Variants in PCDHA13 observed in about 807,000 individuals in gnomAD.
PCDHA13 encodes the protein protocadherin alpha 13, also known as protocadherin alpha-13.
Under a neutral mutation model 64.8 loss-of-function variants are expected in PCDHA13, and 54 were observed. That is an observed-to-expected ratio of 0.83 (90% CI 0.67 to 1.04). The LOEUF is 1.04. Ranked by LOEUF, PCDHA13 falls within the 50% of genes least tolerant of loss-of-function variation. The pLI is 0.00. For missense variants in PCDHA13, 1,248 were observed against 1,254.3 expected (o/e 0.99, Z 0.08); for synonymous variants, 587 against 564.4 (o/e 1.04, Z -0.57).
At chr5:140,969,592 A>G (rs547411191) in intron 1 of PCDHA13, 72 of 829,536 alleles carry the variant, frequency 8.7e-5, no homozygotes, top group Middle Eastern at 3.7e-4. Context: ...TAGTCTTAAT[A>G]TTTAATGCTA....
chr5:140,979,303 C>T (rs1048294748), intron 2 of PCDHA13, among the ~76,000 whole-genome samples: 5 of 152,148 alleles, frequency 3.3e-5, no homozygotes, highest in East Asian at 3.8e-4. Context: ...CTCCTTCATC[C>T]CTCTCTACCT....
intron 1 of PCDHA13, among the ~76,000 whole-genome samples, chr5:140,904,216 ATTG>A (rs2070958692): frequency 6.6e-6 from 1 of 151,842 alleles, no homozygotes; most frequent in East Asian, 1.9e-4. Flanking sequence ...CCCAAAGTCC[ATTG>A]TATTATACTT....
chr5:140,989,630 G>C (rs1483532761), intron 3 of PCDHA13, among the ~76,000 whole-genome samples: 4 of 152,228 alleles, frequency 2.6e-5, no homozygotes, highest in Admixed American at 2.6e-4. Context: ...CCTAGTGACA[G>C]CAAGGGTCTT....
intron 1 of PCDHA13, among the ~76,000 whole-genome samples, chr5:140,915,929 C>A (rs1554197194): frequency 1.3e-5 from 2 of 152,144 alleles, no homozygotes; most frequent in African/African-American, 4.8e-5. Context: ...ACTTGGGAGT[C>A]AGGGATTGGA....
rs563512273 is a variant in PCDHA13 at position 140,921,751 on chromosome 5, A to G, written c.2394+37089A>G. Among the ~76,000 whole-genome samples, 11 of 152,290 alleles carry G rather than the reference A, an allele frequency of 7.2e-5. No homozygotes were observed. The East Asian group carries it at 7.7e-4, about 11-fold the overall frequency. On this transcript the variant is annotated intron_variant, in intron 1 of 3. Coordinates refer to ENST00000289272, the MANE Select transcript of PCDHA13 (RefSeq NM_018904.3). ...ATAAAAATTATAAGCATAACAGGAC[A>G]CTTCTTGGCTACTATTCAATACTGA...
intron 3 of PCDHA13, among the ~76,000 whole-genome samples, chr5:140,993,108 G>A (rs1554253416): frequency 6.6e-6 from 1 of 152,202 alleles, no homozygotes; most frequent in African/African-American, 2.4e-5. Flanking sequence ...TCAGCGGTCA[G>A]TGTCACATCA....
chr5:140,940,643 T>A (rs2092660320), intron 1 of PCDHA13, among the ~76,000 whole-genome samples: 1 of 152,226 alleles, frequency 6.6e-6, no homozygotes, highest in Non-Finnish European at 1.5e-5. Flanking sequence ...TGTCATTTAT[T>A]TATTTAAATA....
Position 140,883,560 on chromosome 5 carries a change from G to C in PCDHA13, c.1292G>C (p.Gly431Ala). Residue 431 changes from glycine (G) to alanine (A), a missense_variant, in exon 1 of 4, where the codon GGC becomes GCC. Physicochemically the swap from Gly to Ala is moderately conservative, Grantham distance 60. Transcript: ENST00000289272. ...CTGGTGGTGACCGCGCGGGACGGGG[G>C]CTCGCCTTCGCTGTGGGCCACGGCC... ...YELVVTARDG[G>A]SPSLWATASV... The C allele has an allele frequency of 6.2e-7, 1 of 1,614,184 alleles. No individual in the cohort carries two copies. The highest frequency in any genetic ancestry group is 1.1e-5 in the South Asian group (1 of 91,072).
chr5:140,944,316 T>C lies in PCDHA13; in HGVS notation c.2395-34633T>C, dbSNP rs140163712. On this transcript the variant is annotated intron_variant, in intron 1 of 3. Coordinates refer to ENST00000289272, the MANE Select transcript of PCDHA13 (RefSeq NM_018904.3). ...GATCCTCCTACCTCAGCCTCCTGAG[T>C]AGCTGGGATTACAAGCACGTGCCAC... 4.3e-3 allele frequency among the ~76,000 whole-genome samples: 654 copies of C among 152,070 alleles called. 5 individuals carry two copies. The highest frequency in any genetic ancestry group is 5.5e-3 in the Non-Finnish European group (376 of 67,970).
intron 1 of PCDHA13, among the ~76,000 whole-genome samples, chr5:140,933,797 A>G (rs1419925900): frequency 6.6e-6 from 1 of 152,062 alleles, no homozygotes; most frequent in African/African-American, 2.4e-5. Context: ...GAAAATTTTA[A>G]TTGAGATCAA....
At position 140,884,310 on chromosome 5, in the gene PCDHA13, GGGCGTC is replaced by G. The variant is rs1301213144; in HGVS notation, c.2046_2051del (p.Ser683_Ala684del). 7 of 1,613,674 alleles carry G rather than the reference GGGCGTC, an allele frequency of 4.3e-6. No homozygotes were observed. The highest frequency in any genetic ancestry group is 5.9e-6 in the Non-Finnish European group (7 of 1,179,864). ...GGCCAAGCGCCACAGGCTTCGTCGA[GGGCGTC>G]GGCAGGCGCTGTGGGTCCAGAAGCG... On this transcript the variant is annotated inframe_deletion, in exon 1 of 4. Coordinates refer to ENST00000289272, the MANE Select transcript of PCDHA13 (RefSeq NM_018904.3).
chr5:140,935,828 A>G (rs1365293166), intron 1 of PCDHA13, among the ~76,000 whole-genome samples: 1 of 152,004 alleles, frequency 6.6e-6, no homozygotes, highest in Non-Finnish European at 1.5e-5. Context: ...GTATTTACAC[A>G]TATTCCATAC....
intron 3 of PCDHA13, among the ~76,000 whole-genome samples, chr5:141,007,395 C>CAAA (rs35800918): frequency 7.4e-5 from 7 of 94,852 alleles, no homozygotes; most frequent in Non-Finnish European, 1.2e-4. Flanking sequence ...TACTAAAATA[C>CAAA]AAAAAAAAAA....
chr5:140,978,701 G>A (rs1240672824), intron 1 of PCDHA13, among the ~76,000 whole-genome samples: 1 of 152,236 alleles, frequency 6.6e-6, no homozygotes, highest in African/African-American at 2.4e-5. Context: ...AAAGCCAAAG[G>A]TGGCCTTTAC....
At chr5:140,925,932 A>G (rs1202634955) in intron 1 of PCDHA13, among the ~76,000 whole-genome samples, 1 of 150,196 alleles carries the variant, frequency 6.7e-6, no homozygotes, top group African/African-American at 2.5e-5. Flanking sequence ...TCCCAAGTAG[A>G]GCCTCTTGGA....
Position 141,009,783 on chromosome 5 carries a change from G to C in PCDHA13, c.2699G>C (p.Arg900Pro). The part of the protein sequence containing the change: ...IPGSPAIISI[R>P]QEPTNSQIDK... The stretch of plus-strand genomic sequence containing the variant: ...GGATCTCCTGCAATCATCTCCATCC[G>C]GCAGGAGCCTACTAACAGCCAAATT... Residue 900 changes from arginine (R) to proline (P), a missense_variant, in exon 4 of 4, where the codon CGG (arginine) becomes CCG (proline). Arg to Pro is a moderately radical substitution (Grantham distance 103). Coordinates refer to ENST00000289272, the MANE Select transcript of PCDHA13 (RefSeq NM_018904.3). 2 of 1,614,000 alleles carry C rather than the reference G, an allele frequency of 1.2e-6. No homozygotes were observed. The highest frequency in any genetic ancestry group is 1.7e-6 in the Non-Finnish European group (2 of 1,180,008).
In PCDHA13 at chr5:140,883,818, T is replaced by A. The variant is rs1349664661; in HGVS notation, c.1550T>A (p.Val517Glu). 6.2e-7 allele frequency: 1 copy of A among 1,612,072 alleles called. No individual in the cohort carries two copies. Among genetic ancestry groups the A allele is most frequent in the African/African-American group, 1.3e-5 (1 of 74,798 alleles). The change falls in exon 1 of 4, where the codon GTG (valine) becomes GAG (glutamate). Residue 517 changes from valine to glutamate, a missense_variant. Coordinates refer to ENST00000289272, the MANE Select transcript of PCDHA13 (RefSeq NM_018904.3). The stretch of plus-strand genomic sequence containing the variant: ...TCGGTGCACGCGGAGAGCGGCAAGG[T>A]GTACGCGCTGCAGCCGTTGGACCAC... ...YVSVHAESGK[V>E]YALQPLDHEE...
chr5:140,907,864 G>T (rs1033952784), intron 1 of PCDHA13, among the ~76,000 whole-genome samples: 1 of 152,202 alleles, frequency 6.6e-6, no homozygotes, highest in Non-Finnish European at 1.5e-5. Context: ...GAGGCCAGCC[G>T]TTGGTGAGCA....
Position 141,001,288 on chromosome 5 carries a change from C to T in PCDHA13, c.2543-8339C>T, listed in dbSNP as rs147786395. 2.9e-3 allele frequency among the ~76,000 whole-genome samples: 438 copies of T among 152,218 alleles called. 7 individuals are homozygous for T. The East Asian group carries it at 0.044, about 15-fold the overall frequency. ...TATGAACTTTTTTTACGGATGAAAACTGAGGCCCAGAGATATGAAATAATT... is the reference window on the plus strand; with the variant it reads ...TATGAACTTTTTTTACGGATGAAAATTGAGGCCCAGAGATATGAAATAATT... On this transcript the variant is annotated intron_variant, in intron 3 of 3. Transcript: ENST00000289272.
Sources: gnomAD v4.1 joint callset for allele counts (sites outside exome capture counted in the v4.1 genomes callset) on GRCh38, gnomAD v4.1.1 for gene constraint, MANE v1.5 for transcripts, NCBI Gene and HGNC (gene_info 2026-07-23, HGNC 2026-07-21) for gene names.